Variants in VAV3 observed in about 807,000 individuals in gnomAD.
VAV3 encodes guanine nucleotide exchange factor VAV3.
In VAV3, 94 loss-of-function variants were observed where a neutral mutation model predicts 131.2. The observed-to-expected ratio is 0.72, with a 90% CI of 0.61 to 0.85. The LOEUF is 0.85. Ranked by LOEUF, VAV3 falls within the 40% of genes least tolerant of loss-of-function variation. The probability of loss-of-function intolerance (pLI) is 0.00; values close to 1 mark genes in which losing one functional copy is unlikely to be tolerated. For missense variants in VAV3, 939 were observed against 1,002.7 expected, an observed-to-expected ratio of 0.94 and a Z score of 0.86; for synonymous variants, 349 against 342.0, an observed-to-expected ratio of 1.02 and a Z score of -0.22.
At chr1:107,868,062 C>T (rs538647205) in intron 2 of VAV3, among the ~76,000 whole-genome samples, 1 of 152,280 alleles carries the variant, frequency 6.6e-6, no homozygotes, top group South Asian at 2.1e-4. Context: ...AGCACTAAAG[C>T]TGTCCCAGGA....
At chr1:107,903,781 T>C (rs1671980363) in intron 1 of VAV3, among the ~76,000 whole-genome samples, 2 of 152,184 alleles carry the variant, frequency 1.3e-5, no homozygotes, top group Admixed American at 1.3e-4. Flanking sequence ...ACTAAATTTA[T>C]ATTTTCTGAG....
At chr1:107,649,986 G>A (rs1239737818) in intron 19 of VAV3, among the ~76,000 whole-genome samples, 1 of 152,088 alleles carries the variant, frequency 6.6e-6, no homozygotes, top group African/African-American at 2.4e-5. Flanking sequence ...TGACAGGGGT[G>A]TGTGTGGAGT....
intron 15 of VAV3, among the ~76,000 whole-genome samples, chr1:107,731,258 T>G (rs986647968): frequency 1.3e-5 from 2 of 152,212 alleles, no homozygotes; most frequent in Non-Finnish European, 2.9e-5. Context: ...TCTATTTACT[T>G]TTCTTTGTGA....
Position 107,720,399 on chromosome 1 carries a change from A to ATAAT in VAV3, c.1503-15339_1503-15338insATTA, listed in dbSNP as rs1418841637. On this transcript the variant is annotated intron_variant, in intron 15 of 26. Coordinates refer to ENST00000370056, the MANE Select transcript of VAV3 (RefSeq NM_006113.5). Reference sequence around the variant, plus strand: ...CACTGTCTCAAAAATAAATAAATAAATAAATAAATAAATAAATAAATAAAT... The same window carrying ATAAT: ...CACTGTCTCAAAAATAAATAAATAAATAATTAAATAAATAAATAAATAAATAAAT... 4.2e-5 allele frequency among the ~76,000 whole-genome samples: 6 copies of ATAAT among 142,488 alleles called. No individual in the cohort carries two copies. In the South Asian group the frequency reaches 1.3e-3, roughly 32 times the overall value. 93.5% of individuals were successfully genotyped at this position (142,488 alleles called of 152,430 possible). A position where few individuals can be genotyped will look rare whatever the true frequency, so the allele number is the denominator to read the frequency against.
At chr1:107,813,527 TACC>T (rs1273964758) in intron 2 of VAV3, among the ~76,000 whole-genome samples, 1 of 152,252 alleles carries the variant, frequency 6.6e-6, no homozygotes, top group East Asian at 1.9e-4. Flanking sequence ...GATATTTTGT[TACC>T]ACCATAGAAT....
chr1:107,931,244 T>C (rs540665513), intron 1 of VAV3, among the ~76,000 whole-genome samples: 1 of 152,260 alleles, frequency 6.6e-6, no homozygotes, highest in South Asian at 2.1e-4. Context: ...ATTCTGACTA[T>C]TTAGGAAAAT....
At chr1:107,745,329 T>G (rs1306824231) in intron 15 of VAV3, among the ~76,000 whole-genome samples, 1 of 151,504 alleles carries the variant, frequency 6.6e-6, no homozygotes. Context: ...TCTATTTGGC[T>G]CAATAACTTT....
chr1:107,837,292 C>T (rs1668519273), intron 2 of VAV3, among the ~76,000 whole-genome samples: 1 of 152,018 alleles, frequency 6.6e-6, no homozygotes, highest in Admixed American at 6.6e-5. Context: ...ATGTGATTCA[C>T]CACATAAATA....
intron 1 of VAV3, among the ~76,000 whole-genome samples, chr1:107,898,705 G>A (rs555508750): frequency 4.6e-4 from 70 of 152,154 alleles, no homozygotes; most frequent in Admixed American, 7.2e-4. Context: ...ATTTAAAAAT[G>A]TATCTCCTAT....
intron 19 of VAV3, among the ~76,000 whole-genome samples, chr1:107,663,060 T>C (rs886361587): frequency 1.3e-5 from 2 of 152,226 alleles, no homozygotes; most frequent in Non-Finnish European, 2.9e-5. Context: ...TAAGAATATA[T>C]GCGGTAAATC....
intron 20 of VAV3, among the ~76,000 whole-genome samples, chr1:107,618,130 G>A (rs1653305781): frequency 1.3e-5 from 2 of 152,122 alleles, no homozygotes; most frequent in Admixed American, 6.5e-5. Context: ...TTTGACAGGA[G>A]GGGGAACTCA....
chr1:107,606,819 T>TC (rs1652307282), intron 22 of VAV3, among the ~76,000 whole-genome samples: 1 of 147,780 alleles, frequency 6.8e-6, no homozygotes, highest in African/African-American at 2.5e-5. Context: ...TTTTTTTTTT[T>TC]TTTTTTTTTT....
At chr1:107,704,470 G>C in intron 17 of VAV3, 80 bp downstream of exon 17, 1 of 1,024,584 alleles carries the variant, frequency 9.8e-7, no homozygotes, top group East Asian at 2.4e-5. Context: ...CACATATTCA[G>C]AGTAAATTAG....
At chr1:107,893,199 T>C (rs796287115) in intron 1 of VAV3, among the ~76,000 whole-genome samples, 35 of 152,348 alleles carry the variant, frequency 2.3e-4, no homozygotes, top group African/African-American at 7.9e-4. Context: ...AGTGACTTAT[T>C]TTTCAGCAAG....
At chr1:107,578,977 C>A in intron 25 of VAV3, 2 of 912,558 alleles carry the variant, frequency 2.2e-6, no homozygotes, top group Non-Finnish European at 2.6e-6. Flanking sequence ...GATAAGATAA[C>A]CTATCTGTAA....
intron 2 of VAV3, among the ~76,000 whole-genome samples, chr1:107,854,793 T>C (rs1336390304): frequency 6.6e-6 from 1 of 152,132 alleles, no homozygotes; most frequent in Non-Finnish European, 1.5e-5. Flanking sequence ...TGAAAAAGGT[T>C]GAGAACTGCT....
At chr1:107,877,149 G>A (rs1670543794) in intron 1 of VAV3, among the ~76,000 whole-genome samples, 1 of 152,150 alleles carries the variant, frequency 6.6e-6, no homozygotes, top group African/African-American at 2.4e-5. Flanking sequence ...CAGGTAATCA[G>A]CACATGCAGT....
chr1:107,925,955 A>G (rs1673139350), intron 1 of VAV3, among the ~76,000 whole-genome samples: 1 of 152,006 alleles, frequency 6.6e-6, no homozygotes, highest in South Asian at 2.1e-4. Flanking sequence ...TATCTCTTGC[A>G]TCTTTTAAAA....
At chr1:107,937,437 C>T (rs1031443583) in intron 1 of VAV3, among the ~76,000 whole-genome samples, 8 of 152,216 alleles carry the variant, frequency 5.3e-5, no homozygotes, top group Non-Finnish European at 8.8e-5. Context: ...ATGTCATTTC[C>T]TTCCTGCTGG....
Sources: gnomAD v4.1 joint callset for allele counts (sites outside exome capture counted in the v4.1 genomes callset) on GRCh38, gnomAD v4.1.1 for gene constraint, MANE v1.5 for transcripts, NCBI Gene and HGNC (gene_info 2026-07-23, HGNC 2026-07-21) for gene names.